Variants in GPHN observed in about 807,000 individuals in gnomAD.
The protein encoded by GPHN is gephyrin.
A neutral mutation model predicts 95.5 loss-of-function variants in GPHN; 17 were observed. That is an observed-to-expected ratio of 0.18 (90% CI 0.12 to 0.27). The LOEUF (loss-of-function observed/expected upper bound fraction) is 0.27, where lower values mean the gene tolerates loss of function less well. GPHN is among the 10% of genes least tolerant of loss of function. GPHN has a pLI of 1.00. For missense variants in GPHN, 660 were observed against 978.1 expected, an observed-to-expected ratio of 0.67 and a Z score of 4.34; for synonymous variants, 320 against 322.5, an observed-to-expected ratio of 0.99 and a Z score of 0.08.
chr14:67,100,853 C>T lies in GPHN; in HGVS notation c.1238-3C>T, dbSNP rs1233468655. 1.1e-5 allele frequency: 17 copies of T among 1,598,268 alleles called. No individual in the cohort carries two copies. Among genetic ancestry groups the T allele is most frequent in the Non-Finnish European group, 1.5e-5 (17 of 1,165,650 alleles). ...TTGTTCTTGGCTCTGTTCCATCTCA[C>T]AGCTGCTGATGGCCCAGGAGATCGT... On this transcript the variant is annotated splice_region_variant and splice_polypyrimidine_tract_variant and intron_variant, in intron 12 of 22. Coordinates refer to ENST00000478722, the MANE Select transcript of GPHN (RefSeq NM_020806.5).
At chr14:67,377,041 C>G in the GPHN span, among the ~76,000 whole-genome samples, 2 of 152,184 alleles carry the variant, frequency 1.3e-5, no homozygotes, top group African/African-American at 2.4e-5. Context: ...TCCTATTCAT[C>G]TAGCTCCCAG....
At chr14:67,605,092 A>C in the GPHN span, among the ~76,000 whole-genome samples, 14 of 152,150 alleles carry the variant, frequency 9.2e-5, no homozygotes, top group Admixed American at 6.5e-5. Flanking sequence ...TGGCTATTAT[A>C]GGGTTTTTGT....
chr14:67,303,225 A>C, the GPHN span, among the ~76,000 whole-genome samples: 2 of 152,208 alleles, frequency 1.3e-5, no homozygotes, highest in Non-Finnish European at 2.9e-5. Flanking sequence ...TTTTGAGTGC[A>C]ATTTATGATC....
At chr14:67,722,595 G>A in the GPHN span, 1 of 1,545,646 alleles carries the variant, frequency 6.5e-7, no homozygotes, top group Non-Finnish European at 8.9e-7. Flanking sequence ...AGCTGGGGTT[G>A]AAGCTGGAGC....
chr14:67,550,070 G>A, the GPHN span, among the ~76,000 whole-genome samples: 1 of 151,366 alleles, frequency 6.6e-6, no homozygotes, highest in East Asian at 1.9e-4. Flanking sequence ...ACAAGACTTG[G>A]AGCCCTTTCT....
intron 1 of GPHN, among the ~76,000 whole-genome samples, chr14:66,593,266 C>T (rs981582333): frequency 3.3e-5 from 5 of 150,628 alleles, no homozygotes; most frequent in African/African-American, 9.7e-5. Flanking sequence ...CAAACCTGCA[C>T]GTTTTGCACA....
At chr14:67,470,041 C>T in the GPHN span, among the ~76,000 whole-genome samples, 1 of 152,148 alleles carries the variant, frequency 6.6e-6, no homozygotes, top group Non-Finnish European at 1.5e-5. Flanking sequence ...CATTATGCCA[C>T]CTGAGAATTG....
At chr14:67,308,953 C>T in the GPHN span, among the ~76,000 whole-genome samples, 1 of 152,004 alleles carries the variant, frequency 6.6e-6, no homozygotes, top group Admixed American at 6.6e-5. Flanking sequence ...TATCCCTGTA[C>T]CCTATCCCCA....
At chr14:67,383,353 G>A in the GPHN span, 13 of 1,613,686 alleles carry the variant, frequency 8.1e-6, no homozygotes, top group African/African-American at 6.7e-5. Flanking sequence ...CTGAACTTGC[G>A]AGGCAGATGG....
At chr14:66,796,996 A>G (rs1012293050) in intron 3 of GPHN, among the ~76,000 whole-genome samples, 1 of 118,048 alleles carries the variant, frequency 8.5e-6, no homozygotes, top group African/African-American at 3.1e-5. Flanking sequence ...ATTTTTGTAT[A>G]TGGTGAGACA....
At chr14:67,421,501 C>G in the GPHN span, among the ~76,000 whole-genome samples, 1 of 152,124 alleles carries the variant, frequency 6.6e-6, no homozygotes, top group Non-Finnish European at 1.5e-5. Flanking sequence ...GACACCCAGG[C>G]CAGGGCTCCT....
the GPHN span, among the ~76,000 whole-genome samples, chr14:67,306,562 T>C: frequency 0.17 from 25,194 of 151,490 alleles, 2,580 homozygotes; most frequent in Non-Finnish European, 0.23. Flanking sequence ...AGAGACAGAG[T>C]TTCACCATGT....
intron 15 of GPHN, among the ~76,000 whole-genome samples, chr14:67,112,772 G>A (rs1360575127): frequency 1.3e-5 from 2 of 152,104 alleles, no homozygotes; most frequent in Non-Finnish European, 2.9e-5. Context: ...CAAATATGAA[G>A]TAACATGTTT....
chr14:66,794,553 C>A (rs2060091812), intron 3 of GPHN, among the ~76,000 whole-genome samples: 1 of 152,126 alleles, frequency 6.6e-6, no homozygotes, highest in Admixed American at 6.6e-5. Context: ...AATTAAAATT[C>A]TTTATCAGTT....
downstream of GPHN, among the ~76,000 whole-genome samples, chr14:67,182,462 CAA>C (rs1158604159): frequency 6.6e-6 from 1 of 152,096 alleles, no homozygotes; most frequent in East Asian, 1.9e-4. Context: ...AAATAGTAAA[CAA>C]ATATTTGATA....
At chr14:67,375,842 T>A in the GPHN span, among the ~76,000 whole-genome samples, 2 of 152,234 alleles carry the variant, frequency 1.3e-5, no homozygotes, top group South Asian at 4.1e-4. Context: ...GAAAATTTCA[T>A]ATTTTTTTGT....
intron 1 of GPHN, among the ~76,000 whole-genome samples, chr14:66,623,348 G>C (rs1444988121): frequency 6.6e-6 from 1 of 152,142 alleles, no homozygotes; most frequent in Non-Finnish European, 1.5e-5. Context: ...TTGAGGATGA[G>C]ATTTGGGTGG....
chr14:66,924,595 A>G (rs2066386503), intron 8 of GPHN, among the ~76,000 whole-genome samples: 1 of 152,214 alleles, frequency 6.6e-6, no homozygotes, highest in African/African-American at 2.4e-5. Flanking sequence ...ATTTCATCAG[A>G]TATCTTTAAA....
chr14:67,323,174 TATATGTATATA>T, the GPHN span, among the ~76,000 whole-genome samples: 7 of 151,746 alleles, frequency 4.6e-5, no homozygotes, highest in South Asian at 1.5e-3. Flanking sequence ...AAGCTAAAAT[TATATGTATATA>T]ATATGTATTA....
Sources: gnomAD v4.1 joint callset for allele counts (sites outside exome capture counted in the v4.1 genomes callset) on GRCh38, gnomAD v4.1.1 for gene constraint, MANE v1.5 for transcripts, NCBI Gene and HGNC (gene_info 2026-07-23, HGNC 2026-07-21) for gene names.